The following KIAA1586 variants were observed in gnomAD, a reference collection of about 807,000 sequenced individuals.
The protein encoded by KIAA1586 is E3 SUMO-protein ligase KIAA1586.
Under a neutral mutation model 6.1 loss-of-function variants are expected in KIAA1586, and 5 were observed. That is an observed-to-expected ratio of 0.82 (90% confidence interval 0.43 to 1.73). KIAA1586 has a LOEUF of 1.73. Ranked by LOEUF, KIAA1586 falls within the 40% of genes most tolerant of loss-of-function variation. KIAA1586 has a pLI of 0.02. For missense variants in KIAA1586, 899 were observed against 878.2 expected (o/e 1.02, Z -0.30); for synonymous variants, 280 against 301.7 (o/e 0.93, Z 0.75).
In KIAA1586 at chr6:57,054,872, A is replaced by T; in HGVS notation, c.*9A>T. On this transcript the variant is annotated 3_prime_UTR_variant, in exon 4 of 4. Transcript: ENST00000370733. ...TATGGAACTTAAAATAGAATATTGT[A>T]TACGTTTTTTGTCATCTGTAAATTA... is the stretch of plus-strand genomic sequence containing the variant. The T allele has an allele frequency of 1.3e-6, 2 of 1,531,138 alleles. No individual in the cohort carries two copies. The highest frequency in any genetic ancestry group is 1.8e-6 in the Non-Finnish European group (2 of 1,136,170). 94.8% of individuals were successfully genotyped at this position (1,531,138 alleles called of 1,614,324 possible).
the KIAA1586 span, among the ~76,000 whole-genome samples, chr6:57,062,673 C>T: frequency 2.0e-5 from 3 of 152,162 alleles, no homozygotes; most frequent in African/African-American, 4.8e-5. Context: ...TCTACTGCCA[C>T]TATATGGTTA....
At position 57,054,705 on chromosome 6, in the gene KIAA1586, A is replaced by G. The variant is rs753408895; in HGVS notation, c.2206A>G (p.Ile736Val). 21 of 1,551,706 alleles carry G rather than the reference A, an allele frequency of 1.4e-5. No homozygotes were observed. The highest frequency in any genetic ancestry group is 2.4e-5 in the East Asian group (1 of 40,908). The change falls in exon 4 of 4, where the codon ATA becomes GTA. Residue 736 changes from isoleucine (I) to valine (V), a missense_variant. By Grantham distance (29) the Ile-to-Val change is conservative (BLOSUM62 3). Transcript: ENST00000370733. ...AGATCATGTATCAGATTTAATGACA[A>G]TAAATTTACTGGGGAAAGAATTAGC... is the stretch of plus-strand genomic sequence containing the variant. ...TIDHVSDLMTINLLGKELADW... is the reference protein window; with the variant it reads ...TIDHVSDLMTVNLLGKELADW...
Position 57,054,586 on chromosome 6 carries a change from T to C in KIAA1586, c.2087T>C (p.Ile696Thr). ...IPTTIYKAKK[I>T]VSTIAINSAE... ...ACAACTATATACAAAGCTAAAAAGA[T>C]AGTTAGCACCATTGCAATCAATAGT... The change falls in exon 4 of 4, where the codon ATA (isoleucine) becomes ACA (threonine). Residue 696 changes from isoleucine (I) to threonine (T), a missense_variant. Coordinates refer to ENST00000370733, the MANE Select transcript of KIAA1586 (RefSeq NM_020931.4). The C allele has an allele frequency of 6.2e-7, 1 of 1,605,266 alleles. No homozygotes were observed. Among genetic ancestry groups the C allele is most frequent in the Non-Finnish European group, 8.5e-7 (1 of 1,174,350 alleles).
At chr6:57,050,617 C>G (rs188719328) in intron 2 of KIAA1586, among the ~76,000 whole-genome samples, 157 bp from the exon 3 acceptor site, 3 of 152,002 alleles carry the variant, frequency 2.0e-5, no homozygotes, top group Non-Finnish European at 4.4e-5. Context: ...CTCCCAGCCC[C>G]TTTGCCCGTT....
downstream of KIAA1586, among the ~76,000 whole-genome samples, chr6:57,058,122 G>T (rs1273361599): frequency 5.9e-5 from 9 of 151,530 alleles, no homozygotes. Flanking sequence ...CTCTGCGTGT[G>T]TTATAACAGT....
rs1288703815 is a variant in KIAA1586, at chr6:57,053,858, A to G, written c.1359A>G (p.Gln453=). The G allele has an allele frequency of 2.6e-6, 4 of 1,548,824 alleles. No individual in the cohort carries two copies. Among genetic ancestry groups the G allele is most frequent in the Non-Finnish European group, 3.5e-6 (4 of 1,144,760 alleles). The part of the protein sequence containing the change: ...FIDKIYSIYH[Q]PNKNQTKLLG... Reference sequence around the variant, plus strand: ...ATAAAATTTATTCTATTTATCATCAACCTAATAAAAATCAAACCAAGCTTC... The same window carrying G: ...ATAAAATTTATTCTATTTATCATCAGCCTAATAAAAATCAAACCAAGCTTC... Residue 453 remains glutamine, a synonymous_variant, in exon 4 of 4, where the codon CAA becomes CAG. Transcript: ENST00000370733.
Position 57,054,009 on chromosome 6 carries a change from A to G in KIAA1586, c.1510A>G (p.Met504Val), listed in dbSNP as rs375040639. The G allele has an allele frequency of 3.4e-5, 54 of 1,609,366 alleles. No individual in the cohort carries two copies. The highest frequency in any genetic ancestry group is 9.4e-5 in the African/African-American group (7 of 74,782). Residue 504 changes from methionine to valine, a missense_variant, in exon 4 of 4, where the codon ATG (methionine) becomes GTG (valine). Physicochemically the swap from Met to Val is conservative, Grantham distance 21 (BLOSUM62 1). Coordinates refer to ENST00000370733, the MANE Select transcript of KIAA1586 (RefSeq NM_020931.4). ...AVWHAYPILYMHFSHSYSGLA... is the reference protein window; with the variant it reads ...AVWHAYPILYVHFSHSYSGLA... ...ATGGCATGCATATCCTATATTATAT[A>G]TGCATTTTTCTCATTCTTACTCTGG...
At chr6:57,065,492 GT>G in the KIAA1586 span, among the ~76,000 whole-genome samples, 5,148 of 137,858 alleles carry the variant, frequency 0.037, 243 homozygotes, top group African/African-American at 0.12. Context: ...TGCCTTTTTT[GT>G]TTTTTTTTTT....
rs1184096737 is a variant in KIAA1586, at chr6:57,046,888, C to T, written c.21+112C>T. 27 of 1,427,624 alleles carry T rather than the reference C, an allele frequency of 1.9e-5. No individual in the cohort carries two copies. In the African/African-American group the frequency reaches 2.9e-4, roughly 16 times the overall value. 88.4% of individuals were successfully genotyped at this position (1,427,624 alleles called of 1,614,324 possible). ...TCGCAGCCTCGGGGCGATACCTCTT[C>T]AGTGTCTTGGGCCGAGCCCAGCTCT... On this transcript the variant is annotated intron_variant, in intron 1 of 3. Coordinates refer to ENST00000370733, the MANE Select transcript of KIAA1586 (RefSeq NM_020931.4).
At chr6:57,061,994 C>T in the KIAA1586 span, among the ~76,000 whole-genome samples, 3 of 150,020 alleles carry the variant, frequency 2.0e-5, no homozygotes, top group Non-Finnish European at 3.0e-5. Flanking sequence ...TGCAATGGTG[C>T]GATCTTGGCT....
At chr6:57,056,194 G>T (rs577977576), downstream of KIAA1586, among the ~76,000 whole-genome samples, 1 of 151,324 alleles carries the variant, frequency 6.6e-6, no homozygotes, top group East Asian at 1.9e-4. Context: ...GATTACAGGA[G>T]TGTGCCACGA....
At chr6:57,059,483 C>T (rs567624056), downstream of KIAA1586, among the ~76,000 whole-genome samples, 16 of 150,472 alleles carry the variant, frequency 1.1e-4, no homozygotes, top group African/African-American at 3.9e-4. Context: ...CCCAGCTACT[C>T]GGGAGGCTGA....
rs1474224735 is a variant in KIAA1586 at position 57,053,186 on chromosome 6, T to G, written c.687T>G (p.Asp229Glu). ...ATTTGTTAAAGGAATCAACTAATGATTCAATTTGTAATTTAGTGCATAAAC... is the reference window on the plus strand; with the variant it reads ...ATTTGTTAAAGGAATCAACTAATGAGTCAATTTGTAATTTAGTGCATAAAC... ...IQDLLKESTN[D>E]SICNLVHKQN... Residue 229 changes from aspartate to glutamate, a missense_variant, in exon 4 of 4, where the codon GAT (aspartate) becomes GAG (glutamate). Physicochemically the swap from Asp to Glu is conservative, Grantham distance 45 (BLOSUM62 2). Coordinates refer to ENST00000370733, the MANE Select transcript of KIAA1586 (RefSeq NM_020931.4). 6.2e-7 allele frequency: 1 copy of G among 1,607,488 alleles called. No homozygotes were observed.
the KIAA1586 span, among the ~76,000 whole-genome samples, chr6:57,062,778 T>C: frequency 6.6e-6 from 1 of 152,126 alleles, no homozygotes; most frequent in Non-Finnish European, 1.5e-5. Flanking sequence ...TGGCCGAGCA[T>C]GGTGGCTCAC....
intron 2 of KIAA1586, 140 bp from the exon 3 acceptor site, chr6:57,050,634 C>T: frequency 1.6e-6 from 1 of 616,190 alleles, no homozygotes; most frequent in Non-Finnish European, 2.9e-6. Flanking sequence ...CGTTTTGTTT[C>T]TAATTATTCT....
the KIAA1586 span, among the ~76,000 whole-genome samples, chr6:57,061,499 C>T: frequency 6.6e-6 from 1 of 151,792 alleles, no homozygotes; most frequent in South Asian, 2.1e-4. Flanking sequence ...CTTGGGCAGT[C>T]CTCCTGCCTC....
At chr6:57,050,648 C>A (rs1307743072) in intron 2 of KIAA1586, 126 bp from the exon 3 acceptor site, 2 of 659,818 alleles carry the variant, frequency 3.0e-6, no homozygotes, top group Non-Finnish European at 5.3e-6. Flanking sequence ...TTATTCTGTG[C>A]CACTTGCAAG....
intron 3 of KIAA1586, among the ~76,000 whole-genome samples, chr6:57,051,658 G>T (rs558660171): frequency 2.0e-5 from 3 of 152,004 alleles, no homozygotes; most frequent in Admixed American, 1.3e-4. Flanking sequence ...ACTCGGCCAG[G>T]CATGGTGGCT....
At chr6:57,061,385 GTTAT>G in the KIAA1586 span, among the ~76,000 whole-genome samples, 5 of 151,984 alleles carry the variant, frequency 3.3e-5, no homozygotes, top group African/African-American at 4.8e-5. Flanking sequence ...AACGGTTCTA[GTTAT>G]TTATTTATTT....
Sources: allele counts gnomAD v4.1 joint callset (sites outside exome capture counted in the v4.1 genomes callset), GRCh38; gene constraint gnomAD v4.1.1; transcripts MANE v1.5; gene names NCBI Gene and HGNC (gene_info 2026-07-23, HGNC 2026-07-21).